IGSF8: variants seen among roughly 807,000 people sequenced by gnomAD.
IGSF8 encodes the protein CD81 partner 3.
A neutral mutation model predicts 55.5 loss-of-function variants in IGSF8; 46 were observed. That is an observed-to-expected ratio of 0.83 (90% CI 0.65 to 1.06). The LOEUF (loss-of-function observed/expected upper bound fraction) is 1.06, where lower values mean the gene tolerates loss of function less well. IGSF8 is among the 50% of genes least tolerant of loss of function. The pLI, the probability that IGSF8 is intolerant of heterozygous loss-of-function variation, is 0.00. For synonymous variants in IGSF8, 314 were observed against 356.1 expected, an observed-to-expected ratio of 0.88 and a Z score of 1.33; for missense variants, 731 against 832.3, an observed-to-expected ratio of 0.88 and a Z score of 1.50.
chr1:160,092,806 G>T, intron 4 of IGSF8, 111 bp from the exon 5 acceptor site: 1 of 1,492,992 alleles, frequency 6.7e-7, no homozygotes, highest in Non-Finnish European at 9.1e-7. Flanking sequence ...AATCTTGGTA[G>T]AAGAGGAGCG....
upstream of IGSF8, chr1:160,098,697 G>A (rs1438834861): frequency 2.8e-6 from 1 of 354,278 alleles, no homozygotes. Context: ...GGCCCGCCCC[G>A]GCACCGCCCC....
chr1:160,094,285 G>T lies in IGSF8; in HGVS notation c.443-114C>A. 1 of 693,174 alleles carries T rather than the reference G, an allele frequency of 1.4e-6. No homozygotes were observed. Among genetic ancestry groups the T allele is most frequent in the African/African-American group, 1.8e-5 (1 of 55,696 alleles). 42.9% of individuals were successfully genotyped at this position (693,174 alleles called of 1,614,324 possible). On this transcript the variant is annotated intron_variant, in intron 2 of 6. Coordinates refer to ENST00000314485, the MANE Select transcript of IGSF8 (RefSeq NM_052868.6). This position sits in a 1 kb window ranked among gnomAD's most constrained non-coding sequence, Gnocchi z 4.0. ...TGTGAGCTCCCAGAGGGCAAAGATCGCATGTTGTATTATTTCTTCTGTAAC... is the reference window on the plus strand; with the variant it reads ...TGTGAGCTCCCAGAGGGCAAAGATCTCATGTTGTATTATTTCTTCTGTAAC...
chr1:160,095,164 G>A lies in IGSF8; in HGVS notation c.147C>T (p.Cys49=), dbSNP rs1486812095. Residue 49 remains cysteine, a synonymous_variant, in exon 2 of 7, where the codon TGC becomes TGT. Coordinates refer to ENST00000314485, the MANE Select transcript of IGSF8 (RefSeq NM_052868.6). Reference sequence around the variant, plus strand: ...CAGGGCCCTCATAGCCGGTCACATTGCAGGAGATGGAGACAGCTGTGCCAG... The same window carrying A: ...CAGGGCCCTCATAGCCGGTCACATTACAGGAGATGGAGACAGCTGTGCCAG... ...RVAGTAVSIS[C]NVTGYEGPAQ... is the part of the protein sequence containing the mutation. The A allele has an allele frequency of 6.2e-7, 1 of 1,612,932 alleles. No homozygotes were observed. Among genetic ancestry groups the A allele is most frequent in the Non-Finnish European group, 8.5e-7 (1 of 1,180,032 alleles).
Position 160,092,430 on chromosome 1 carries a change from G to C in IGSF8, c.1578C>G (p.Ser526Arg). 1 of 1,610,532 alleles carries C rather than the reference G, an allele frequency of 6.2e-7. No homozygotes were observed. ...PVSVELVGPR[S>R]HRLRLHSLGP... is the part of the protein sequence containing the mutation. Reference sequence around the variant, plus strand: ...CCAAGCTGTGTAGTCTCAGCCGATGGCTTCGGGGCCCCACCAGCTCTACGC... The same window carrying C: ...CCAAGCTGTGTAGTCTCAGCCGATGCCTTCGGGGCCCCACCAGCTCTACGC... The change falls in exon 5 of 7, where the codon AGC becomes AGG. Residue 526 changes from serine to arginine, a missense_variant. Ser to Arg is a moderately radical substitution (Grantham distance 110). Coordinates refer to ENST00000314485, the MANE Select transcript of IGSF8 (RefSeq NM_052868.6).
rs202086805 is a variant in IGSF8 at position 160,092,978 on chromosome 1, G to A, written c.1258C>T (p.Arg420Cys). ...AYVRGSGTRL[R>C]EAASARSRPL... ...CGGGAACGGGCACTGGCTGCTTCAC[G>A]AAGCCGGGTCCCAGACCCTCGAACA... Residue 420 changes from arginine to cysteine, a missense_variant, in exon 4 of 7, where the codon CGT becomes TGT. Transcript: ENST00000314485. 1.7e-4 allele frequency: 281 copies of A among 1,611,184 alleles called. No individual in the cohort carries two copies. The highest frequency in any genetic ancestry group is 1.7e-4 in the Middle Eastern group (1 of 6,054).
chr1:160,098,463 G>T lies in IGSF8; in HGVS notation c.10C>A (p.Leu4Ile). The change falls in exon 1 of 7, where the codon CTC becomes ATC. Residue 4 changes from leucine (L) to isoleucine (I), a missense_variant. Coordinates refer to ENST00000314485, the MANE Select transcript of IGSF8 (RefSeq NM_052868.6). MGA[L>I]RPTLLPPSLP... ...GAAGGCGGCAGCAGCGTGGGCCTGAGGGCGCCCATCCTGCGCGGCCAGCTC... is the reference window on the plus strand; with the variant it reads ...GAAGGCGGCAGCAGCGTGGGCCTGATGGCGCCCATCCTGCGCGGCCAGCTC... 1 of 1,543,584 alleles carries T rather than the reference G, an allele frequency of 6.5e-7. No individual in the cohort carries two copies.
In IGSF8 at chr1:160,094,855, C is replaced by T. The variant is rs765760762; in HGVS notation, c.442+14G>A. 18 of 1,601,308 alleles carry T rather than the reference C, an allele frequency of 1.1e-5. No homozygotes were observed. The highest frequency in any genetic ancestry group is 1.5e-5 in the Non-Finnish European group (18 of 1,171,078). ...AGAGGGTGTGTGGCTCCACCCCGTC[C>T]CAGGGCCCAGTACCTCTCAGCTCCA... On this transcript the variant is annotated intron_variant, in intron 2 of 6. Transcript: ENST00000314485. The surrounding 1 kb of genome is among the most constrained non-coding windows in gnomAD (Gnocchi z 4.0).
In IGSF8 at chr1:160,093,375, GAC is replaced by G. The variant is rs1210380335; in HGVS notation, c.905-46_905-45del. On this transcript the variant is annotated intron_variant, in intron 3 of 6. Coordinates refer to ENST00000314485, the MANE Select transcript of IGSF8 (RefSeq NM_052868.6). The stretch of plus-strand genomic sequence containing the variant: ...AAGAGGTGTCATGGAGGCAGGAGGG[GAC>G]ACAGAGGCACCCGATTCCCCAACTT... 4 of 1,520,616 alleles carry G rather than the reference GAC, an allele frequency of 2.6e-6. No individual in the cohort carries two copies. The African/African-American group carries it at 5.5e-5, about 21-fold the overall frequency. The allele number at this position is 1,520,616 out of a possible 1,614,324, so 94.2% of individuals were successfully genotyped here. A position where few individuals can be genotyped will look rare whatever the true frequency, so the allele number is the denominator to read the frequency against.
chr1:160,092,053 C>T, intron 5 of IGSF8, 115 bp from the exon 6 acceptor site: 1 of 836,480 alleles, frequency 1.2e-6, no homozygotes, highest in African/African-American at 1.7e-5. Context: ...TCACAGACAC[C>T]CCCATCCCTG....
chr1:160,093,635 C>A (rs898269815), intron 3 of IGSF8, 75 bp downstream of exon 3: 15 of 1,181,764 alleles, frequency 1.3e-5, no homozygotes, highest in Non-Finnish European at 1.5e-5. Flanking sequence ...CTATCTGGTA[C>A]CCCCTGTGGC....
In IGSF8 at chr1:160,093,281, C is replaced by G. The variant is rs1466066236; in HGVS notation, c.955G>C (p.Gly319Arg). 1.6e-5 allele frequency: 25 copies of G among 1,607,738 alleles called. No individual in the cohort carries two copies. The highest frequency in any genetic ancestry group is 2.1e-5 in the Non-Finnish European group (25 of 1,174,988). Reference protein sequence around the residue: ...VGPGERRIGPGEPLELLCNVS... With the variant: ...VGPGERRIGPREPLELLCNVS... ...TTGCACAGCAGTTCCAAGGGCTCCC[C>G]TGGGCCGATCCGACGTTCACCAGGC... The change falls in exon 4 of 7, where the codon GGG (glycine) becomes CGG (arginine). Residue 319 changes from glycine (G) to arginine (R), a missense_variant. Coordinates refer to ENST00000314485, the MANE Select transcript of IGSF8 (RefSeq NM_052868.6).
At chr1:160,096,270 C>T (rs1440620332) in intron 1 of IGSF8, among the ~76,000 whole-genome samples, 1 of 152,162 alleles carries the variant, frequency 6.6e-6, no homozygotes, top group Non-Finnish European at 1.5e-5. Context: ...TAGGCCACCC[C>T]TCCCCACCTC....
In IGSF8 at chr1:160,091,863, G is replaced by A. The variant is rs1203574856; in HGVS notation, c.1802C>T (p.Thr601Ile). The stretch of plus-strand genomic sequence containing the variant: ...CCTCTTCATGAAGCAGCAAGTGATG[G>A]TACCAAGGACAGTGGCACCAGTGAC... ...ALVTGATVLG[T>I]ITCCFMKRLR... Residue 601 changes from threonine to isoleucine, a missense_variant, in exon 6 of 7, where the codon ACC (threonine) becomes ATC (isoleucine). Transcript: ENST00000314485. 3 of 1,613,994 alleles carry A rather than the reference G, an allele frequency of 1.9e-6. No individual in the cohort carries two copies. Among genetic ancestry groups the A allele is most frequent in the South Asian group, 1.1e-5 (1 of 91,080 alleles).
chr1:160,098,347 G>T, intron 1 of IGSF8, 62 bp downstream of exon 1: 1 of 1,542,464 alleles, frequency 6.5e-7, no homozygotes, highest in East Asian at 2.4e-5. Flanking sequence ...AATGCTAGGG[G>T]GGTGCTGGAT....
At chr1:160,093,646 C>T in intron 3 of IGSF8, 64 bp downstream of exon 3, 1 of 1,349,190 alleles carries the variant, frequency 7.4e-7, no homozygotes, top group Middle Eastern at 1.9e-4. Flanking sequence ...CCCCTGTGGC[C>T]ACAGTGCCCA....
Position 160,098,429 on chromosome 1 carries a change from AGCGGCAGCGAAG to A in IGSF8, c.32_43del (p.Pro11_Pro14del). The A allele has an allele frequency of 1.3e-6, 2 of 1,548,052 alleles. No individual in the cohort carries two copies. Among genetic ancestry groups the A allele is most frequent in the Admixed American group, 2.0e-5 (1 of 50,788 alleles). ...CTTACCTAGCATTAGCAGCAGCAGC[AGCGGCAGCGAAG>A]GCGGCAGCAGCGTGGGCCTGAGGGC... On this transcript the variant is annotated inframe_deletion, in exon 1 of 7. Coordinates refer to ENST00000314485, the MANE Select transcript of IGSF8 (RefSeq NM_052868.6).
intron 1 of IGSF8, 103 bp downstream of exon 1, chr1:160,098,306 C>A: frequency 6.8e-7 from 1 of 1,463,530 alleles, no homozygotes; most frequent in South Asian, 1.4e-5. Flanking sequence ...CTGGAGGTAC[C>A]CCTGACGGAG....
rs373337403 is a variant in IGSF8 at position 160,092,560 on chromosome 1, C to T, written c.1448G>A (p.Arg483Gln). 5.6e-6 allele frequency: 9 copies of T among 1,610,740 alleles called. No individual in the cohort carries two copies. Among genetic ancestry groups the T allele is most frequent in the Admixed American group, 5.0e-5 (3 of 59,944 alleles). Reference protein sequence around the residue: ...LRLAASWWVERPEDGELSSVP... With the variant: ...LRLAASWWVEQPEDGELSSVP... ...AGAGCTGAGCTCTCCGTCCTCTGGTCGCTCCACCCACCAGCTGGCGGCCAG... is the reference window on the plus strand; with the variant it reads ...AGAGCTGAGCTCTCCGTCCTCTGGTTGCTCCACCCACCAGCTGGCGGCCAG... The change falls in exon 5 of 7, where the codon CGA becomes CAA. Residue 483 changes from arginine (R) to glutamine (Q), a missense_variant. Coordinates refer to ENST00000314485, the MANE Select transcript of IGSF8 (RefSeq NM_052868.6).
intron 4 of IGSF8, 56 bp from the exon 5 acceptor site, chr1:160,092,751 G>C: frequency 6.4e-7 from 1 of 1,567,414 alleles, no homozygotes; most frequent in East Asian, 2.3e-5. Context: ...CATGGGGTTA[G>C]GGCTGCCGCC....
Sources: allele counts gnomAD v4.1 joint callset (sites outside exome capture counted in the v4.1 genomes callset), GRCh38; gene constraint gnomAD v4.1.1; non-coding constraint Gnocchi (gnomAD v3.1); transcripts MANE v1.5; gene names NCBI Gene and HGNC (gene_info 2026-07-23, HGNC 2026-07-21).